Variants in JAZF1 observed in about 807,000 individuals in gnomAD.
The protein encoded by JAZF1 is juxtaposed with another zinc finger protein 1.
In JAZF1, 8 loss-of-function variants were observed where a neutral mutation model predicts 26.4. The observed-to-expected ratio is 0.30, with a 90% confidence interval of 0.18 to 0.55. The LOEUF is 0.55. JAZF1 is among the 20% of genes least tolerant of loss of function. The probability of loss-of-function intolerance (pLI) is 0.94; values close to 1 mark genes in which losing one functional copy is unlikely to be tolerated. For synonymous variants in JAZF1, 126 were observed against 122.3 expected, an observed-to-expected ratio of 1.03 and a Z score of -0.20; for missense variants, 199 against 322.0, an observed-to-expected ratio of 0.62 and a Z score of 2.92.
chr7:27,982,261 C>T (rs939955247), intron 2 of JAZF1, among the ~76,000 whole-genome samples: 2 of 152,202 alleles, frequency 1.3e-5, no homozygotes, highest in Non-Finnish European at 2.9e-5. Context: ...TAATACTGCA[C>T]TTTTCCAACA....
At chr7:27,855,701 T>C (rs1057173655) in intron 3 of JAZF1, among the ~76,000 whole-genome samples, 4 of 152,174 alleles carry the variant, frequency 2.6e-5, no homozygotes, top group Non-Finnish European at 5.9e-5. Context: ...TAACAAGTTC[T>C]GAAATTGAGA....
At chr7:28,122,265 A>G (rs1159101854) in intron 1 of JAZF1, among the ~76,000 whole-genome samples, 1 of 152,142 alleles carries the variant, frequency 6.6e-6, no homozygotes, top group African/African-American at 2.4e-5. Context: ...TGCGCTCCCA[A>G]ACTCATGTTT....
chr7:27,856,021 G>A lies in JAZF1; in HGVS notation c.386-15154C>T, dbSNP rs1181713504. Among the ~76,000 whole-genome samples, 9 of 152,306 alleles carry A rather than the reference G, an allele frequency of 5.9e-5. No individual in the cohort carries two copies. The East Asian group carries it at 9.6e-4, about 16-fold the overall frequency. On this transcript the variant is annotated intron_variant, in intron 3 of 4. Transcript: ENST00000283928. ...ATCAAAAAGCTTATCCACCACCATCGAGTTGGCTTCATCCCTGGGATGCAA... is the reference window on the plus strand; with the variant it reads ...ATCAAAAAGCTTATCCACCACCATCAAGTTGGCTTCATCCCTGGGATGCAA...
At chr7:27,962,796 G>GT (rs1785206995) in intron 2 of JAZF1, among the ~76,000 whole-genome samples, 1 of 152,180 alleles carries the variant, frequency 6.6e-6, no homozygotes, top group South Asian at 2.1e-4. Flanking sequence ...TTTAAAAACA[G>GT]TAACATGCTG....
chr7:27,941,292 T>C (rs1784844439), intron 2 of JAZF1, among the ~76,000 whole-genome samples: 1 of 152,246 alleles, frequency 6.6e-6, no homozygotes, highest in Admixed American at 6.5e-5. Context: ...CCTTCATAAA[T>C]GAGCTCAATT....
intron 2 of JAZF1, among the ~76,000 whole-genome samples, chr7:27,904,437 C>T (rs1784215423): frequency 6.6e-6 from 1 of 152,200 alleles, no homozygotes; most frequent in Admixed American, 6.5e-5. Context: ...CATTTGTCAG[C>T]ACCCCTTCGT....
chr7:27,903,722 C>T (rs1408024217), intron 2 of JAZF1, among the ~76,000 whole-genome samples: 1 of 152,146 alleles, frequency 6.6e-6, no homozygotes, highest in Non-Finnish European at 1.5e-5. Flanking sequence ...AACAGGAGAC[C>T]CTCCATGCCA....
rs1333275713 is a variant in JAZF1 at position 28,174,687 on chromosome 7, G to A, written c.115+5776C>T. 9.0e-5 allele frequency among the ~76,000 whole-genome samples: 6 copies of A among 66,946 alleles called. 2 individuals carry two copies. The highest frequency in any genetic ancestry group is 1.6e-4 in the African/African-American group (5 of 31,356). The allele number at this position is 66,946 out of a possible 152,430, so 43.9% of individuals were successfully genotyped here. ...CTTATGAGACAGGATGTTCAACAGTGATGTTTTATAAAGGATGATCTGACT... is the reference window on the plus strand; with the variant it reads ...CTTATGAGACAGGATGTTCAACAGTAATGTTTTATAAAGGATGATCTGACT... On this transcript the variant is annotated intron_variant, in intron 1 of 4. Coordinates refer to ENST00000283928, the MANE Select transcript of JAZF1 (RefSeq NM_175061.4).
At chr7:28,029,947 C>T (rs901473043) in intron 1 of JAZF1, among the ~76,000 whole-genome samples, 49 of 152,158 alleles carry the variant, frequency 3.2e-4, no homozygotes, top group African/African-American at 1.2e-3. Flanking sequence ...CTCAGGTATA[C>T]CTGGGTTAAA....
At chr7:28,162,089 A>C (rs1249577367) in intron 1 of JAZF1, among the ~76,000 whole-genome samples, 1 of 152,210 alleles carries the variant, frequency 6.6e-6, no homozygotes, top group African/African-American at 2.4e-5. Flanking sequence ...TATGTTACCT[A>C]TTCAAAGGAA....
intron 3 of JAZF1, among the ~76,000 whole-genome samples, chr7:27,888,253 G>C (rs1018567609): frequency 6.6e-6 from 1 of 152,168 alleles, no homozygotes; most frequent in Non-Finnish European, 1.5e-5. Flanking sequence ...ACAAAATTCA[G>C]TCAGGCTGAA....
At chr7:28,121,751 G>A (rs1782608687) in intron 1 of JAZF1, among the ~76,000 whole-genome samples, 1 of 152,194 alleles carries the variant, frequency 6.6e-6, no homozygotes, top group East Asian at 1.9e-4. Context: ...ACTTAATTGG[G>A]CATAGATTCT....
At chr7:28,044,155 C>T (rs1209624829) in intron 1 of JAZF1, among the ~76,000 whole-genome samples, 4 of 152,156 alleles carry the variant, frequency 2.6e-5, no homozygotes, top group Non-Finnish European at 5.9e-5. Context: ...GTGAACTTCA[C>T]CTCTACTAAA....
intron 1 of JAZF1, among the ~76,000 whole-genome samples, chr7:28,116,604 G>A (rs111982119): frequency 2.0e-5 from 3 of 147,738 alleles, no homozygotes; most frequent in African/African-American, 2.4e-5. Context: ...CACTACGCCC[G>A]GCTAATTTTT....
chr7:28,113,200 T>C (rs1784689730), intron 1 of JAZF1, among the ~76,000 whole-genome samples: 1 of 152,182 alleles, frequency 6.6e-6, no homozygotes, highest in Non-Finnish European at 1.5e-5. Context: ...GGGGGCCCAA[T>C]TCTGTTGCTT....
intron 1 of JAZF1, among the ~76,000 whole-genome samples, chr7:28,111,548 G>A (rs986810786): frequency 3.3e-5 from 5 of 152,152 alleles, no homozygotes; most frequent in Admixed American, 1.3e-4. Flanking sequence ...CTTTGAATAA[G>A]TCACAATGCT....
chr7:27,837,203 C>T (rs1198386249), intron 4 of JAZF1, among the ~76,000 whole-genome samples: 1 of 152,212 alleles, frequency 6.6e-6, no homozygotes, highest in Non-Finnish European at 1.5e-5. Context: ...TGCCTTAATC[C>T]TCACCATTCT....
intron 1 of JAZF1, among the ~76,000 whole-genome samples, chr7:28,044,563 A>T (rs1347289474): frequency 6.6e-6 from 1 of 152,202 alleles, no homozygotes; most frequent in African/African-American, 2.4e-5. Context: ...ACCTTCTTTG[A>T]AAGTTCAGCA....
intron 2 of JAZF1, among the ~76,000 whole-genome samples, chr7:27,936,033 C>T (rs1323143442): frequency 6.6e-6 from 1 of 152,190 alleles, no homozygotes; most frequent in East Asian, 1.9e-4. Flanking sequence ...GTTCCGCTTT[C>T]CATGCCACCT....
Sources: gnomAD v4.1 joint callset for allele counts (sites outside exome capture counted in the v4.1 genomes callset) on GRCh38, gnomAD v4.1.1 for gene constraint, MANE v1.5 for transcripts, NCBI Gene and HGNC (gene_info 2026-07-23, HGNC 2026-07-21) for gene names.